The following DLG2 variants were observed in gnomAD, a reference collection of about 807,000 sequenced individuals.
The protein encoded by DLG2 is disks large homolog 2.
Under a neutral mutation model 132.5 loss-of-function variants are expected in DLG2, and 45 were observed. That is an observed-to-expected ratio of 0.34 (90% CI 0.27 to 0.44). DLG2 has a LOEUF of 0.44. Ranked by LOEUF, DLG2 falls within the 20% of genes least tolerant of loss-of-function variation. DLG2 has a pLI of 1.00. For missense variants in DLG2, 1,045 were observed against 1,196.9 expected (o/e 0.87, Z 1.87); for synonymous variants, 424 against 419.6 (o/e 1.01, Z -0.13).
intron 6 of DLG2, among the ~76,000 whole-genome samples, chr11:84,770,951 C>T (rs993732903): frequency 2.0e-5 from 3 of 151,964 alleles, no homozygotes; most frequent in Non-Finnish European, 4.4e-5. Context: ...TGCGCTCAGC[C>T]GATTTCATTC....
At position 84,049,692 on chromosome 11, in the gene DLG2, G is replaced by A. The variant is rs74663699; in HGVS notation, c.919+9623C>T. On this transcript the variant is annotated intron_variant, in intron 11 of 27. Transcript: ENST00000376104. ...TTAATGACTTAGGGTTAGAATTAGCGGTTTCTTTATCTCCTTAATCTGGGT... is the reference window on the plus strand; with the variant it reads ...TTAATGACTTAGGGTTAGAATTAGCAGTTTCTTTATCTCCTTAATCTGGGT... 8.0e-4 allele frequency among the ~76,000 whole-genome samples: 121 copies of A among 151,816 alleles called. No individual in the cohort carries two copies. The East Asian group carries it at 0.018, about 23-fold the overall frequency.
chr11:84,185,461 G>A (rs1156337041), intron 8 of DLG2, among the ~76,000 whole-genome samples: 1 of 152,148 alleles, frequency 6.6e-6, no homozygotes, highest in Non-Finnish European at 1.5e-5. Flanking sequence ...TCAGCTTAAG[G>A]AGATTTTGGG....
chr11:85,077,567 G>C (rs2066708764), intron 6 of DLG2, among the ~76,000 whole-genome samples: 1 of 151,790 alleles, frequency 6.6e-6, no homozygotes, highest in Non-Finnish European at 1.5e-5. Flanking sequence ...CCAGTGAATG[G>C]AAAGTTGAAC....
chr11:85,564,155 A>G (rs1323479594), intron 3 of DLG2, among the ~76,000 whole-genome samples: 1 of 152,110 alleles, frequency 6.6e-6, no homozygotes, highest in East Asian at 1.9e-4. Context: ...TCTTTATAAT[A>G]CAAGTCATTT....
chr11:85,478,145 C>T (rs1474196778), intron 3 of DLG2, among the ~76,000 whole-genome samples: 1 of 151,914 alleles, frequency 6.6e-6, no homozygotes, highest in Non-Finnish European at 1.5e-5. Context: ...GGAACTAAGA[C>T]TAAAGGCTTT....
At chr11:85,044,618 T>C (rs150662627) in intron 6 of DLG2, among the ~76,000 whole-genome samples, 265 of 152,176 alleles carry the variant, frequency 1.7e-3, no homozygotes, top group African/African-American at 6.1e-3. Context: ...GATACAATCA[T>C]GATCTAATAT....
intron 18 of DLG2, among the ~76,000 whole-genome samples, chr11:83,759,602 G>A (rs888971128): frequency 1.3e-5 from 2 of 151,948 alleles, no homozygotes; most frequent in African/African-American, 2.4e-5. Flanking sequence ...ACACTCATGC[G>A]GCTGTCATAC....
At chr11:83,637,911 A>G (rs748841656) in intron 18 of DLG2, among the ~76,000 whole-genome samples, 1 of 152,218 alleles carries the variant, frequency 6.6e-6, no homozygotes, top group Non-Finnish European at 1.5e-5. Flanking sequence ...TGCTTCCAGA[A>G]CAGGACATTG....
intron 7 of DLG2, among the ~76,000 whole-genome samples, chr11:84,356,922 G>C (rs564017233): frequency 6.6e-6 from 1 of 152,022 alleles, no homozygotes; most frequent in Non-Finnish European, 1.5e-5. Flanking sequence ...AGAGAGAAGA[G>C]AAATTGCCAG....
chr11:83,611,269 T>C (rs553739011), intron 19 of DLG2, among the ~76,000 whole-genome samples: 2 of 152,056 alleles, frequency 1.3e-5, no homozygotes, highest in South Asian at 4.2e-4. Flanking sequence ...GTTTAATGCA[T>C]GTATATTGAG....
chr11:84,867,655 G>C (rs1185153102), intron 6 of DLG2, among the ~76,000 whole-genome samples: 4 of 152,184 alleles, frequency 2.6e-5, no homozygotes, highest in African/African-American at 9.7e-5. Context: ...CCACTTAGTA[G>C]AAAGAAACAT....
chr11:85,296,485 T>C (rs1180517584), intron 3 of DLG2, among the ~76,000 whole-genome samples: 3 of 123,546 alleles, frequency 2.4e-5, no homozygotes, highest in Non-Finnish European at 3.5e-5. Flanking sequence ...TTTTTTTTTT[T>C]CACTTAGTTC....
intron 3 of DLG2, among the ~76,000 whole-genome samples, chr11:85,540,381 T>C (rs1394991739): frequency 2.0e-5 from 3 of 152,076 alleles, no homozygotes; most frequent in Non-Finnish European, 4.4e-5. Context: ...CACCAGCAGA[T>C]GCTGACAGGC....
At chr11:85,588,328 T>C (rs1330868075) in intron 3 of DLG2, among the ~76,000 whole-genome samples, 2 of 152,200 alleles carry the variant, frequency 1.3e-5, no homozygotes, top group Non-Finnish European at 2.9e-5. Flanking sequence ...ACACCAATTA[T>C]TCTTGGGTTT....
intron 6 of DLG2, among the ~76,000 whole-genome samples, chr11:84,977,054 T>C (rs1452256586): frequency 6.6e-6 from 1 of 152,096 alleles, no homozygotes; most frequent in Admixed American, 6.6e-5. Flanking sequence ...GTGCCTCTTT[T>C]TTTTTCTGAC....
chr11:83,971,232 G>A (rs1428394788), intron 12 of DLG2, among the ~76,000 whole-genome samples: 3 of 152,028 alleles, frequency 2.0e-5, no homozygotes, highest in Non-Finnish European at 2.9e-5. Flanking sequence ...TGCTCTCTGT[G>A]GGGTGCACCA....
rs114575643 is a variant in DLG2 at position 85,417,525 on chromosome 11, G to T, written c.41-132160C>A. Among the ~76,000 whole-genome samples, 464 of 152,300 alleles carry T rather than the reference G, an allele frequency of 3.0e-3. 1 individual carries two copies. Among genetic ancestry groups the T allele is most frequent in the African/African-American group, 0.011 (447 of 41,568 alleles). On this transcript the variant is annotated intron_variant, in intron 3 of 27. Transcript: ENST00000376104. ...AATAGCTTCAGAAGGAATGACACCA[G>T]CTCCTCTTTATACCTCTGGTAGAAT... is the stretch of plus-strand genomic sequence containing the variant.
At chr11:83,943,533 C>A (rs1317117970) in intron 14 of DLG2, among the ~76,000 whole-genome samples, 1 of 152,174 alleles carries the variant, frequency 6.6e-6, no homozygotes. Flanking sequence ...AACAAGATGG[C>A]TTAACTGGTA....
intron 3 of DLG2, among the ~76,000 whole-genome samples, chr11:85,483,879 G>C (rs916894517): frequency 2.1e-4 from 31 of 148,740 alleles, no homozygotes; most frequent in African/African-American, 7.7e-4. Context: ...AGGATGCAGA[G>C]GTTGCAGTGA....
Sources: gnomAD v4.1 joint callset for allele counts (sites outside exome capture counted in the v4.1 genomes callset) on GRCh38, gnomAD v4.1.1 for gene constraint, MANE v1.5 for transcripts, NCBI Gene and HGNC (gene_info 2026-07-23, HGNC 2026-07-21) for gene names.